Variants in CARS1 observed in about 807,000 individuals in gnomAD.
CARS1 encodes cysteine--tRNA ligase, cytoplasmic.
Under a neutral mutation model 106.2 loss-of-function variants are expected in CARS1, and 48 were observed. The observed-to-expected ratio is 0.45, with a 90% CI of 0.36 to 0.57. The LOEUF is 0.57. Ranked by LOEUF, CARS1 falls within the 20% of genes least tolerant of loss-of-function variation. CARS1 has a pLI of 0.00. For synonymous variants in CARS1, 409 were observed against 403.4 expected, an observed-to-expected ratio of 1.01 and a Z score of -0.17; for missense variants, 968 against 1,057.2, an observed-to-expected ratio of 0.92 and a Z score of 1.17.
chr11:3,029,839 G>C lies in CARS1; in HGVS notation c.802-396C>G, dbSNP rs150758645. 8.0e-4 allele frequency: 155 copies of C among 192,728 alleles called. No individual in the cohort carries two copies. Among genetic ancestry groups the C allele is most frequent in the African/African-American group, 3.5e-3 (149 of 42,974 alleles). The allele number at this position is 192,728 out of a possible 1,614,324, so 11.9% of individuals were successfully genotyped here. On this transcript the variant is annotated intron_variant, in intron 7 of 22. Coordinates refer to ENST00000380525, the MANE Select transcript of CARS1 (RefSeq NM_001014437.3). This position sits in a 1 kb window ranked among gnomAD's most constrained non-coding sequence, Gnocchi z 5.9. ...CAACCCCTTGGTGCATTCAGGAAAAGATTCATGACGGACACAGCCAGAGGT... is the reference window on the plus strand; with the variant it reads ...CAACCCCTTGGTGCATTCAGGAAAACATTCATGACGGACACAGCCAGAGGT...
chr11:3,005,406 T>C lies in CARS1; in HGVS notation c.2177A>G (p.Asp726Gly). ...EGLPTVVKLV[D>G]RNTLLKEREE... is the part of the protein sequence containing the mutation. ...TCTCTCTTTTAATAAGGTGTTTCTG[T>C]CTACCAGTTTCACCACTGTGGGCAG... is the stretch of plus-strand genomic sequence containing the variant. Residue 726 changes from aspartate (D) to glycine (G), a missense_variant, in exon 20 of 23, where the codon GAC becomes GGC. By Grantham distance (94) the Asp-to-Gly change is moderately conservative (BLOSUM62 -1). Transcript: ENST00000380525. The C allele has an allele frequency of 6.2e-7, 1 of 1,614,044 alleles. No homozygotes were observed. Among genetic ancestry groups the C allele is most frequent in the Non-Finnish European group, 8.5e-7 (1 of 1,179,880 alleles).
intron 3 of CARS1, 73 bp downstream of exon 3, chr11:3,042,092 C>A: frequency 1.8e-6 from 2 of 1,115,884 alleles, no homozygotes; most frequent in Non-Finnish European, 1.3e-6. Context: ...TGTTGTGCGA[C>A]AAGGCACATG....
Position 3,041,037 on chromosome 11 carries a change from C to A in CARS1, c.367-53G>T, listed in dbSNP as rs748042666. On this transcript the variant is annotated intron_variant, in intron 3 of 22. Coordinates refer to ENST00000380525, the MANE Select transcript of CARS1 (RefSeq NM_001014437.3). The surrounding 1 kb of genome is among the most constrained non-coding windows in gnomAD (Gnocchi z 4.9). ...CACAAGAAATGCAAGAAACACTGCA[C>A]AGGATTACCAAAAACAGCAACAAAC... 1 of 1,612,898 alleles carries A rather than the reference C, an allele frequency of 6.2e-7. No homozygotes were observed. The highest frequency in any genetic ancestry group is 8.5e-7 in the Non-Finnish European group (1 of 1,179,450).
Position 3,015,788 on chromosome 11 carries a change from C to G in CARS1, c.1979G>C (p.Ser660Thr). The G allele has an allele frequency of 6.2e-7, 1 of 1,614,118 alleles. No homozygotes were observed. Among genetic ancestry groups the G allele is most frequent in the Non-Finnish European group, 8.5e-7 (1 of 1,179,960 alleles). The change falls in exon 17 of 23, where the codon AGC (serine) becomes ACC (threonine). Residue 660 changes from serine (S) to threonine (T), a missense_variant. By Grantham distance (58) the Ser-to-Thr change is moderately conservative (BLOSUM62 1). Coordinates refer to ENST00000380525, the MANE Select transcript of CARS1 (RefSeq NM_001014437.3). ...LGFPVGGPGT[S>T]LSLEATVMPY... ...ACCCTGCATGCTACTCACACTGAGG[C>G]TGGTTCCAGGCCCTCCGACCGGGAA...
At chr11:3,036,612 G>A (rs1478447949) in intron 7 of CARS1, among the ~76,000 whole-genome samples, 6 of 152,276 alleles carry the variant, frequency 3.9e-5, no homozygotes, top group South Asian at 2.1e-4. Flanking sequence ...GAAACAATAC[G>A]GTGGTTACGC....
intron 17 of CARS1, 122 bp downstream of exon 17, chr11:3,015,659 G>A (rs1850913764): frequency 1.2e-6 from 1 of 839,256 alleles, no homozygotes; most frequent in Non-Finnish European, 2.0e-6. Context: ...TTAGCTCGAG[G>A]CGCTGTCCGG....
chr11:3,037,734 C>T lies in CARS1; in HGVS notation c.801+316G>A, dbSNP rs1295647042. Among the ~76,000 whole-genome samples, 1 of 152,172 alleles carries T rather than the reference C, an allele frequency of 6.6e-6. No individual in the cohort carries two copies. Among genetic ancestry groups the T allele is most frequent in the Admixed American group, 6.5e-5 (1 of 15,278 alleles). On this transcript the variant is annotated intron_variant, in intron 7 of 22. Transcript: ENST00000380525. This position sits in a 1 kb window ranked among gnomAD's most constrained non-coding sequence, Gnocchi z 5.9. ...TCCGCTGGAGAATCTTGGAACACTTCGACAGAAGGCTGCCTCCCCACGTTC... is the reference window on the plus strand; with the variant it reads ...TCCGCTGGAGAATCTTGGAACACTTTGACAGAAGGCTGCCTCCCCACGTTC...
Position 3,002,573 on chromosome 11 carries a change from C to T in CARS1, c.2245G>A (p.Glu749Lys). 1.9e-6 allele frequency: 3 copies of T among 1,614,210 alleles called. No individual in the cohort carries two copies. Among genetic ancestry groups the T allele is most frequent in the Middle Eastern group, 1.6e-4 (1 of 6,062 alleles). The change falls in exon 21 of 23, where the codon GAG (glutamate) becomes AAG (lysine). Residue 749 changes from glutamate (E) to lysine (K), a missense_variant. Glu to Lys is a moderately conservative substitution (Grantham distance 56). Coordinates refer to ENST00000380525, the MANE Select transcript of CARS1 (RefSeq NM_001014437.3). ...RVEEEKRKKK[E>K]EAARRKQEQE... is the part of the protein sequence containing the mutation. Reference sequence around the variant, plus strand: ...TCCTGTTTCCTCCGGGCCGCCTCCTCTTTCTTCTTCCTCTTCTCCTCTTCA... The same window carrying T: ...TCCTGTTTCCTCCGGGCCGCCTCCTTTTTCTTCTTCCTCTTCTCCTCTTCA...
intron 7 of CARS1, among the ~76,000 whole-genome samples, chr11:3,033,222 G>A (rs1853105758): frequency 6.6e-6 from 1 of 152,018 alleles, no homozygotes; most frequent in Non-Finnish European, 1.5e-5. Context: ...ACGGCCAACA[G>A]GTATAGCTAA....
intron 18 of CARS1, 125 bp from the exon 19 acceptor site, chr11:3,007,084 A>T: frequency 3.8e-6 from 3 of 794,540 alleles, no homozygotes; most frequent in Non-Finnish European, 6.3e-6. Flanking sequence ...TCCAGTGCTC[A>T]GGAGGGAGGG....
intron 1 of CARS1, among the ~76,000 whole-genome samples, chr11:3,054,341 G>A (rs1201448810): frequency 6.6e-6 from 1 of 152,202 alleles, no homozygotes; most frequent in Non-Finnish European, 1.5e-5. Flanking sequence ...AGCCTGTGGG[G>A]TGATCAGACA....
intron 19 of CARS1, among the ~76,000 whole-genome samples, chr11:3,005,875 G>C (rs1036332740): frequency 6.6e-6 from 1 of 152,056 alleles, no homozygotes; most frequent in African/African-American, 2.4e-5. Flanking sequence ...GCCTCCCAAA[G>C]TGCTAGGATA....
rs1333555895 is a variant in CARS1 at position 3,028,151 on chromosome 11, C to T, written c.1031+845G>A. 3 of 307,852 alleles carry T rather than the reference C, an allele frequency of 9.7e-6. No individual in the cohort carries two copies. The East Asian group carries it at 2.8e-4, about 29-fold the overall frequency. 19.1% of individuals were successfully genotyped at this position (307,852 alleles called of 1,614,324 possible). ...CTGCCTCTCTCTGTCTCCTCTCTCT[C>T]TCTGCCTTGGCTGCCAGGCAGGGAA... On this transcript the variant is annotated intron_variant, in intron 9 of 22. Transcript: ENST00000380525. The surrounding 1 kb of genome is among the most constrained non-coding windows in gnomAD (Gnocchi z 4.4).
chr11:3,039,363 C>T lies in CARS1; in HGVS notation c.553-71G>A, dbSNP rs983041132. On this transcript the variant is annotated intron_variant, in intron 5 of 22. Transcript: ENST00000380525. This position sits in a 1 kb window ranked among gnomAD's most constrained non-coding sequence, Gnocchi z 5.6. Reference sequence around the variant, plus strand: ...ATGCATCCCTCTGCAGCAGGCCACTCTCTCCCTTGGCCAACTCTAAGTGAG... The same window carrying T: ...ATGCATCCCTCTGCAGCAGGCCACTTTCTCCCTTGGCCAACTCTAAGTGAG... 8.1e-6 allele frequency: 8 copies of T among 984,392 alleles called. No homozygotes were observed. In the Admixed American group the frequency reaches 1.4e-4, roughly 17 times the overall value. The allele number at this position is 984,392 out of a possible 1,614,324, so 61.0% of individuals were successfully genotyped here.
Position 3,017,250 on chromosome 11 carries a change from A to G in CARS1, c.1773T>C (p.Asn591=). The G allele has an allele frequency of 1.9e-6, 3 of 1,614,170 alleles. No homozygotes were observed. The highest frequency in any genetic ancestry group is 2.5e-6 in the Non-Finnish European group (3 of 1,179,994). ...KTAIHKALCD[N]VDTRTVMEEM... ...CTTCCATGACGGTGCGGGTGTCAAC[A>G]TTGTCACAGAGGGCTTTGTGAATTG... Residue 591 remains asparagine (N), a synonymous_variant, in exon 16 of 23, where the codon AAT becomes AAC. Transcript: ENST00000380525. The surrounding 1 kb of genome is among the most constrained non-coding windows in gnomAD (Gnocchi z 4.9).
intron 7 of CARS1, among the ~76,000 whole-genome samples, chr11:3,036,917 C>T (rs756120280): frequency 1.3e-5 from 2 of 151,150 alleles, no homozygotes; most frequent in East Asian, 1.9e-4. Flanking sequence ...GCAAAATAAA[C>T]CAGACACAAA....
Position 3,057,355 on chromosome 11 carries a change from A to T in CARS1, c.13T>A (p.Ser5Thr), listed in dbSNP as rs1230707745. Residue 5 changes from serine to threonine, a missense_variant, in exon 1 of 23, where the codon TCC becomes ACC. Physicochemically the swap from Ser to Thr is moderately conservative, Grantham distance 58 (BLOSUM62 1). Coordinates refer to ENST00000380525, the MANE Select transcript of CARS1 (RefSeq NM_001014437.3). Reference sequence around the variant, plus strand: ...CCGCGCCGCTCACCCTGCTGCCCGGAGGAATCTGCCATGGCTGGGAATCCC... The same window carrying T: ...CCGCGCCGCTCACCCTGCTGCCCGGTGGAATCTGCCATGGCTGGGAATCCC... MADSSGQQAPDYRSI... is the reference protein window; with the variant it reads MADSTGQQAPDYRSI... The T allele has an allele frequency of 6.2e-7, 1 of 1,610,774 alleles. No individual in the cohort carries two copies. The highest frequency in any genetic ancestry group is 2.2e-5 in the East Asian group (1 of 44,836).
At chr11:3,032,991 G>A (rs1303160994) in intron 7 of CARS1, among the ~76,000 whole-genome samples, 1 of 151,672 alleles carries the variant, frequency 6.6e-6, no homozygotes, top group Non-Finnish European at 1.5e-5. Context: ...GGTGAGGTGG[G>A]TAGGGGATAT....
chr11:3,002,906 A>G (rs1296463100), intron 20 of CARS1, among the ~76,000 whole-genome samples: 1 of 152,220 alleles, frequency 6.6e-6, no homozygotes. Context: ...TAACATGAAG[A>G]AATGGACCAG....
Sources: allele counts gnomAD v4.1 joint callset (sites outside exome capture counted in the v4.1 genomes callset), GRCh38; gene constraint gnomAD v4.1.1; non-coding constraint Gnocchi (gnomAD v3.1); transcripts MANE v1.5; gene names NCBI Gene and HGNC (gene_info 2026-07-23, HGNC 2026-07-21).